AFG1L: variants seen among roughly 807,000 people sequenced by gnomAD.
AFG1L encodes AFG1 like ATPase, also known as AFG1-like ATPase.
A neutral mutation model predicts 62.2 loss-of-function variants in AFG1L; 53 were observed. The observed-to-expected ratio is 0.85, with a 90% confidence interval of 0.68 to 1.07. The LOEUF is 1.07. Among genes scored for constraint, AFG1L ranks in the 50% least tolerant of loss-of-function variants. The pLI is 0.00. For synonymous variants in AFG1L, 228 were observed against 210.3 expected, an observed-to-expected ratio of 1.08 and a Z score of -0.73; for missense variants, 555 against 590.5, an observed-to-expected ratio of 0.94 and a Z score of 0.62.
intron 6 of AFG1L, among the ~76,000 whole-genome samples, chr6:108,372,022 G>T (rs9480848): frequency 2.0e-5 from 3 of 151,904 alleles, no homozygotes; most frequent in African/African-American, 7.2e-5. Context: ...CCTCCCAAAA[G>T]GCTGGGATTA....
At chr6:108,442,187 T>C (rs1771581340) in intron 7 of AFG1L, among the ~76,000 whole-genome samples, 1 of 151,108 alleles carries the variant, frequency 6.6e-6, no homozygotes, top group East Asian at 1.9e-4. Flanking sequence ...TTTTTCCTTC[T>C]TCTTTTTTTT....
At chr6:108,393,644 A>G (rs1165046851) in intron 6 of AFG1L, among the ~76,000 whole-genome samples, 2 of 152,162 alleles carry the variant, frequency 1.3e-5, no homozygotes, top group African/African-American at 2.4e-5. Context: ...TAAAAGGTGC[A>G]TACTTGTTAA....
intron 2 of AFG1L, among the ~76,000 whole-genome samples, chr6:108,330,105 G>T (rs1234885891): frequency 6.6e-6 from 1 of 152,010 alleles, no homozygotes; most frequent in African/African-American, 2.4e-5. Flanking sequence ...TCACCAGCAA[G>T]AAGGCCCTCA....
At chr6:108,406,610 G>A (rs1781869858) in intron 7 of AFG1L, among the ~76,000 whole-genome samples, 1 of 151,930 alleles carries the variant, frequency 6.6e-6, no homozygotes, top group Non-Finnish European at 1.5e-5. Context: ...GCTAATTTTT[G>A]TATTTTTGGT....
intron 10 of AFG1L, among the ~76,000 whole-genome samples, chr6:108,492,014 C>T (rs748035012): frequency 6.6e-6 from 1 of 152,228 alleles, no homozygotes; most frequent in Admixed American, 6.5e-5. Context: ...AACAAAACCT[C>T]TGCATTTACA....
In AFG1L at chr6:108,510,220, A is replaced by G. The variant is rs1301719533; in HGVS notation, c.1071A>G (p.Gly357=). The G allele has an allele frequency of 6.2e-7, 1 of 1,604,082 alleles. No individual in the cohort carries two copies. Among genetic ancestry groups the G allele is most frequent in the South Asian group, 1.1e-5 (1 of 88,716 alleles). Residue 357 remains glycine, a synonymous_variant, in exon 11 of 13, where the codon GGA becomes GGG. Coordinates refer to ENST00000368977, the MANE Select transcript of AFG1L (RefSeq NM_145315.5). ...ATTTCATTTTATCATAGCCACTTGG[A>G]GCCAGTGACTATTTGGAACTATCAA... The part of the protein sequence containing the change: ...TFEELCERPL[G]ASDYLELSKN...
chr6:108,423,801 C>T (rs540748393), intron 7 of AFG1L, among the ~76,000 whole-genome samples: 2 of 152,114 alleles, frequency 1.3e-5, no homozygotes, highest in South Asian at 4.1e-4. Context: ...ACACTAACTA[C>T]TGATAGTTTG....
At position 108,380,416 on chromosome 6, in the gene AFG1L, G is replaced by A. The variant is rs560320856; in HGVS notation, c.748+14084G>A. Among the ~76,000 whole-genome samples the A allele has an allele frequency of 4.6e-5, 7 of 152,270 alleles. No individual in the cohort carries two copies. The South Asian group carries it at 1.5e-3, about 32-fold the overall frequency. On this transcript the variant is annotated intron_variant, in intron 6 of 12. Coordinates refer to ENST00000368977, the MANE Select transcript of AFG1L (RefSeq NM_145315.5). ...AAGCAGAGTGGGGCACCCAATAATG[G>A]CACACACAGATCAGTTGCAGGTTTC... is the stretch of plus-strand genomic sequence containing the variant.
At chr6:108,472,541 AT>A (rs1262547114) in intron 8 of AFG1L, among the ~76,000 whole-genome samples, 2 of 152,054 alleles carry the variant, frequency 1.3e-5, no homozygotes, top group Non-Finnish European at 2.9e-5. Context: ...ACGAATGTCC[AT>A]TTGCTTAGGA....
chr6:108,430,050 C>G lies in AFG1L; in HGVS notation c.808-17164C>G, dbSNP rs1771001692. On this transcript the variant is annotated intron_variant, in intron 7 of 12. Coordinates refer to ENST00000368977, the MANE Select transcript of AFG1L (RefSeq NM_145315.5). ...GCAACCTCCACCTCCTGGGTTCAAG[C>G]AGTTCTCCTGCCTCAGCCTCCTGAG... 2.6e-5 allele frequency among the ~76,000 whole-genome samples: 4 copies of G among 151,908 alleles called. No individual in the cohort carries two copies. In the South Asian group the frequency reaches 8.3e-4, roughly 32 times the overall value.
chr6:108,460,361 C>A (rs1772405765), intron 8 of AFG1L, among the ~76,000 whole-genome samples: 1 of 151,926 alleles, frequency 6.6e-6, no homozygotes, highest in Admixed American at 6.6e-5. Context: ...CATCAGGAAC[C>A]TATTTGTATC....
intron 2 of AFG1L, among the ~76,000 whole-genome samples, chr6:108,329,106 A>G (rs1204249979): frequency 8.9e-6 from 1 of 112,100 alleles, no homozygotes; most frequent in South Asian, 2.8e-4. Context: ...CTTCCTTCCT[A>G]TCTTCCCTCC....
intron 1 of AFG1L, among the ~76,000 whole-genome samples, chr6:108,320,058 A>G (rs1324172127): frequency 3.3e-5 from 5 of 152,178 alleles, no homozygotes; most frequent in Admixed American, 2.0e-4. Context: ...AGGTACAGCT[A>G]TTAAAAAATA....
chr6:108,417,598 C>T (rs1389843312), intron 7 of AFG1L, among the ~76,000 whole-genome samples: 1 of 152,074 alleles, frequency 6.6e-6, no homozygotes, highest in East Asian at 1.9e-4. Context: ...ATTTAAAACT[C>T]AGATTTTTCT....
At chr6:108,357,408 AAAG>A (rs1471511340) in intron 5 of AFG1L, among the ~76,000 whole-genome samples, 1 of 152,094 alleles carries the variant, frequency 6.6e-6, no homozygotes, top group Non-Finnish European at 1.5e-5. Context: ...AAGGTAGCTG[AAAG>A]AAGAAGAAGA....
At chr6:108,364,950 A>G (rs1779695677) in intron 5 of AFG1L, among the ~76,000 whole-genome samples, 1 of 151,982 alleles carries the variant, frequency 6.6e-6, no homozygotes, top group Admixed American at 6.6e-5. Flanking sequence ...CTGTAAAAAG[A>G]AAAGTGATTT....
At chr6:108,342,877 C>T (rs981946812) in intron 2 of AFG1L, among the ~76,000 whole-genome samples, 4 of 152,042 alleles carry the variant, frequency 2.6e-5, no homozygotes, top group East Asian at 1.9e-4. Context: ...TGATCTTAGA[C>T]GTTTGAGGAT....
Position 108,522,718 on chromosome 6 carries a change from A to G in AFG1L, c.*293A>G, listed in dbSNP as rs552985310. The G allele has an allele frequency of 2.6e-5, 5 of 191,894 alleles. No individual in the cohort carries two copies. The highest frequency in any genetic ancestry group is 5.4e-5 in the Non-Finnish European group (5 of 92,884). The allele number at this position is 191,894 out of a possible 1,614,324, so 11.9% of individuals were successfully genotyped here. ...TTTTAGCTTCACATTAAACCACCTG[A>G]ATGAACCTTGAATGCACAAGTAAAT... On this transcript the variant is annotated 3_prime_UTR_variant, in exon 13 of 13. Transcript: ENST00000368977.
intron 8 of AFG1L, among the ~76,000 whole-genome samples, chr6:108,447,550 G>A (rs1771867187): frequency 6.6e-6 from 1 of 152,124 alleles, no homozygotes. Context: ...AGAATGTAAT[G>A]AGTATCCTTT....
Sources: gnomAD v4.1 joint callset for allele counts (sites outside exome capture counted in the v4.1 genomes callset) on GRCh38, gnomAD v4.1.1 for gene constraint, MANE v1.5 for transcripts, NCBI Gene and HGNC (gene_info 2026-07-23, HGNC 2026-07-21) for gene names.